The following GCLC variants were observed in gnomAD, a reference collection of about 807,000 sequenced individuals.
GCLC encodes glutamate-cysteine ligase catalytic subunit, also known as glutamate--cysteine ligase catalytic subunit.
Under a neutral mutation model 81.5 loss-of-function variants are expected in GCLC, and 30 were observed. That is an observed-to-expected ratio of 0.37 (90% CI 0.28 to 0.50). The LOEUF (loss-of-function observed/expected upper bound fraction) is 0.50, where lower values mean the gene tolerates loss of function less well. GCLC is among the 20% of genes least tolerant of loss of function. GCLC has a pLI of 0.96. For missense variants in GCLC, 556 were observed against 777.4 expected, an observed-to-expected ratio of 0.72 and a Z score of 3.39; for synonymous variants, 262 against 273.3, an observed-to-expected ratio of 0.96 and a Z score of 0.41.
Position 53,541,872 on chromosome 6 carries a change from C to CT in GCLC, c.150+2623dup, listed in dbSNP as rs558223235. 7.4e-3 allele frequency among the ~76,000 whole-genome samples: 1,124 copies of CT among 152,064 alleles called. 7 individuals are homozygous for CT. Among genetic ancestry groups the CT allele is most frequent in the Middle Eastern group, 0.014 (4 of 294 alleles). On this transcript the variant is annotated intron_variant, in intron 1 of 15. Transcript: ENST00000650454. ...TAAGGTAAGAGCAGTGTTATCAAAT[C>CT]TTTTTTTGGGGTAGGGGGCTAGGGT...
chr6:53,499,035 T>C, intron 15 of GCLC, 68 bp from the exon 16 acceptor site: 1 of 947,392 alleles, frequency 1.1e-6, no homozygotes, highest in Non-Finnish European at 1.7e-6. Context: ...AAGTTGATAT[T>C]TAGTGGTCAG....
intron 6 of GCLC, among the ~76,000 whole-genome samples, chr6:53,511,907 G>GGGT (rs1764756752): frequency 7.9e-6 from 1 of 126,916 alleles, no homozygotes; most frequent in South Asian, 3.0e-4. Context: ...TTTGGGGGGG[G>GGGT]GGGTGGGAGG....
At chr6:53,513,696 A>G (rs2127622813) in intron 6 of GCLC, 1 of 161,058 alleles carries the variant, frequency 6.2e-6, no homozygotes, top group South Asian at 1.7e-4. Context: ...GTAAACAGAG[A>G]CAGGCTCCTG....
intron 1 of GCLC, chr6:53,523,182 C>T (rs1352699312): frequency 4.0e-5 from 6 of 151,266 alleles, no homozygotes; most frequent in Non-Finnish European, 4.4e-5. Context: ...AACAATACCT[C>T]GTGGAATTCT....
At chr6:53,530,286 C>G (rs924983835) in intron 1 of GCLC, among the ~76,000 whole-genome samples, 1 of 152,170 alleles carries the variant, frequency 6.6e-6, no homozygotes, top group Non-Finnish European at 1.5e-5. Flanking sequence ...ATAACCACAT[C>G]TCACAAAGGC....
At chr6:53,519,004 G>A (rs1762936500) in intron 3 of GCLC, among the ~76,000 whole-genome samples, 1 of 152,118 alleles carries the variant, frequency 6.6e-6, no homozygotes, top group African/African-American at 2.4e-5. Flanking sequence ...CGGGCATCCA[G>A]GCAGCCCTTG....
At chr6:53,540,469 T>A (rs1030500760) in intron 1 of GCLC, among the ~76,000 whole-genome samples, 1 of 152,032 alleles carries the variant, frequency 6.6e-6, no homozygotes, top group Non-Finnish European at 1.5e-5. Context: ...GTCAAACTCA[T>A]AGAATCAGAA....
At chr6:53,517,079 ATTTTTTTTTT>A (rs71546114) in intron 3 of GCLC, among the ~76,000 whole-genome samples, 3 of 104,432 alleles carry the variant, frequency 2.9e-5, no homozygotes, top group African/African-American at 1.2e-4. Flanking sequence ...TTAAAAAAAA[ATTTTTTTTTT>A]TTTTTTTTTT....
At chr6:53,511,514 T>C (rs1019128156) in intron 6 of GCLC, among the ~76,000 whole-genome samples, 10 of 152,162 alleles carry the variant, frequency 6.6e-5, no homozygotes, top group Admixed American at 6.5e-4. Context: ...TAGTATACAA[T>C]ACATAATTCG....
At chr6:53,538,582 C>T (rs966582833) in intron 1 of GCLC, among the ~76,000 whole-genome samples, 1 of 152,142 alleles carries the variant, frequency 6.6e-6, no homozygotes. Context: ...CTGCCTGCCT[C>T]GGCCTCCCAG....
At position 53,507,467 on chromosome 6, in the gene GCLC, A is replaced by C. The variant is rs763003838; in HGVS notation, c.1084+13T>G. Reference sequence around the variant, plus strand: ...CGTACATTCAAACCCAGAAAGATGGAGTAGAAACCCACCTTCCTGCAACAG... The same window carrying C: ...CGTACATTCAAACCCAGAAAGATGGCGTAGAAACCCACCTTCCTGCAACAG... On this transcript the variant is annotated intron_variant, in intron 9 of 15. Coordinates refer to ENST00000650454, the MANE Select transcript of GCLC (RefSeq NM_001498.4). The C allele has an allele frequency of 6.2e-7, 1 of 1,612,772 alleles. No individual in the cohort carries two copies. Among genetic ancestry groups the C allele is most frequent in the South Asian group, 1.1e-5 (1 of 91,056 alleles).
At position 53,514,342 on chromosome 6, in the gene GCLC, A is replaced by G; in HGVS notation, c.620-5T>C. On this transcript the variant is annotated splice_polypyrimidine_tract_variant and splice_region_variant and intron_variant, in intron 5 of 15. Transcript: ENST00000650454. ...GTGTATTCTTGTCCTTAAATACTGTATTATAAAAATACAAAAATAAAAATG... is the reference window on the plus strand; with the variant it reads ...GTGTATTCTTGTCCTTAAATACTGTGTTATAAAAATACAAAAATAAAAATG... The G allele has an allele frequency of 6.3e-7, 1 of 1,588,498 alleles. No homozygotes were observed. Among genetic ancestry groups the G allele is most frequent in the Middle Eastern group, 1.7e-4 (1 of 6,012 alleles).
intron 1 of GCLC, among the ~76,000 whole-genome samples, chr6:53,542,209 A>AT (rs1274325785): frequency 6.6e-6 from 1 of 151,984 alleles, no homozygotes; most frequent in East Asian, 1.9e-4. Flanking sequence ...GCTCAGCGTA[A>AT]TTTTTTCAAG....
intron 12 of GCLC, 57 bp downstream of exon 12, chr6:53,505,331 TATAA>T: frequency 1.3e-6 from 1 of 762,662 alleles, no homozygotes; most frequent in Non-Finnish European, 2.4e-6. Context: ...AAATAGCATA[TATAA>T]ATAAATATAT....
intron 1 of GCLC, among the ~76,000 whole-genome samples, chr6:53,537,262 A>C (rs1361647905): frequency 6.6e-6 from 1 of 152,232 alleles, no homozygotes; most frequent in Non-Finnish European, 1.5e-5. Flanking sequence ...AAAGGGCACA[A>C]GGGAACTTCT....
intron 1 of GCLC, among the ~76,000 whole-genome samples, chr6:53,525,352 G>C (rs1327493075): frequency 6.6e-6 from 1 of 152,200 alleles, no homozygotes; most frequent in East Asian, 1.9e-4. Flanking sequence ...AACTAGAGCT[G>C]AAATGGGGTT....
chr6:53,511,205 G>T (rs539428755), intron 6 of GCLC, among the ~76,000 whole-genome samples: 5 of 147,404 alleles, frequency 3.4e-5, no homozygotes, highest in East Asian at 4.1e-4. Context: ...AAAAAGTGGG[G>T]GGGGGGTGCT....
intron 1 of GCLC, among the ~76,000 whole-genome samples, chr6:53,526,185 T>C (rs1763077839): frequency 6.6e-6 from 1 of 152,170 alleles, no homozygotes; most frequent in Admixed American, 6.5e-5. Flanking sequence ...ATAGTGTTGC[T>C]AGGAAAACTC....
intron 6 of GCLC, among the ~76,000 whole-genome samples, chr6:53,511,201 T>TGG (rs34779369): frequency 0.13 from 14,143 of 106,720 alleles, 979 homozygotes; most frequent in Non-Finnish European, 0.22. Flanking sequence ...AAAAAAAAAG[T>TGG]GGGGGGGGGG....
Sources: gnomAD v4.1 joint callset for allele counts (sites outside exome capture counted in the v4.1 genomes callset) on GRCh38, gnomAD v4.1.1 for gene constraint, MANE v1.5 for transcripts, NCBI Gene and HGNC (gene_info 2026-07-23, HGNC 2026-07-21) for gene names.